MARCHF1: variants seen among roughly 807,000 people sequenced by gnomAD.
MARCHF1 encodes the protein membrane associated ring-CH-type finger 1.
MARCHF1 carries 40 observed loss-of-function variants against 54.2 expected under a neutral mutation model. The ratio of observed to expected loss-of-function variants is 0.74; its 90% CI spans 0.57 to 0.96. The LOEUF is 0.96. Ranked by LOEUF, MARCHF1 falls within the 40% of genes least tolerant of loss-of-function variation. The pLI is 0.00. For missense variants in MARCHF1, 586 were observed against 656.5 expected (o/e 0.89, Z 1.17); for synonymous variants, 236 against 236.3 (o/e 1.00, Z 0.01).
intron 3 of MARCHF1, among the ~76,000 whole-genome samples, chr4:163,971,448 G>A (rs1752545495): frequency 2.0e-5 from 3 of 152,202 alleles, no homozygotes; most frequent in African/African-American, 7.2e-5. Context: ...TAACTTAACT[G>A]TAGTGTTTTA....
At chr4:163,769,459 A>T (rs1016079375) in intron 4 of MARCHF1, among the ~76,000 whole-genome samples, 1 of 152,184 alleles carries the variant, frequency 6.6e-6, no homozygotes, top group Admixed American at 6.5e-5. Flanking sequence ...CAAGAAATCT[A>T]TAAGGTAGGT....
intron 7 of MARCHF1, among the ~76,000 whole-genome samples, chr4:163,587,984 A>G (rs979880499): frequency 6.6e-6 from 1 of 152,182 alleles, no homozygotes; most frequent in African/African-American, 2.4e-5. Context: ...TCACTCAGAT[A>G]GTGCAGAAAG....
intron 1 of MARCHF1, among the ~76,000 whole-genome samples, chr4:164,209,876 T>C (rs1295340371): frequency 6.6e-6 from 1 of 152,114 alleles, no homozygotes; most frequent in Non-Finnish European, 1.5e-5. Flanking sequence ...AATTTATAAT[T>C]AATGATGAGA....
chr4:163,644,298 G>A (rs1354086574), intron 5 of MARCHF1, among the ~76,000 whole-genome samples: 1 of 152,124 alleles, frequency 6.6e-6, no homozygotes, highest in African/African-American at 2.4e-5. Flanking sequence ...GTAGGAGTTT[G>A]TGAAACCCCA....
chr4:163,592,996 CATCTTTTAGGATA>C (rs1740641877), intron 7 of MARCHF1, among the ~76,000 whole-genome samples: 1 of 152,090 alleles, frequency 6.6e-6, no homozygotes. Flanking sequence ...AGCTGGATTG[CATCTTTTAGGATA>C]ATCCCTTCCC....
chr4:163,777,301 A>C (rs1362928615), intron 4 of MARCHF1, among the ~76,000 whole-genome samples: 1 of 152,128 alleles, frequency 6.6e-6, no homozygotes, highest in African/African-American at 2.4e-5. Flanking sequence ...CACTTCATTC[A>C]TTTTCTTTTT....
intron 2 of MARCHF1, among the ~76,000 whole-genome samples, chr4:164,051,638 C>G (rs1754366859): frequency 6.6e-6 from 1 of 152,154 alleles, no homozygotes; most frequent in African/African-American, 2.4e-5. Context: ...GTGTCTACAA[C>G]TTGCAGAAGG....
intron 1 of MARCHF1, among the ~76,000 whole-genome samples, chr4:164,370,952 T>C (rs1191549887): frequency 6.6e-6 from 1 of 151,914 alleles, no homozygotes; most frequent in Non-Finnish European, 1.5e-5. Context: ...AAGCAGACTC[T>C]AATATGGCAA....
intron 4 of MARCHF1, among the ~76,000 whole-genome samples, chr4:163,827,134 T>G (rs1016410169): frequency 3.9e-5 from 6 of 151,976 alleles, no homozygotes; most frequent in African/African-American, 1.4e-4. Context: ...GTGTGACAGG[T>G]AGCAATGTCT....
chr4:163,872,073 T>C (rs1188687901), intron 3 of MARCHF1, among the ~76,000 whole-genome samples: 13 of 152,200 alleles, frequency 8.5e-5, no homozygotes, highest in Admixed American at 6.5e-4. Flanking sequence ...TAGATGAAGT[T>C]GAATATTTTA....
intron 3 of MARCHF1, among the ~76,000 whole-genome samples, chr4:163,909,556 G>C (rs958791230): frequency 7.2e-5 from 11 of 152,218 alleles, no homozygotes; most frequent in Admixed American, 1.3e-4. Flanking sequence ...AGTGGGAGGA[G>C]TATGCTTCAT....
At position 163,703,382 on chromosome 4, in the gene MARCHF1, A is replaced by G. The variant is rs529259088; in HGVS notation, c.112-2519T>C. Among the ~76,000 whole-genome samples, 38 of 152,292 alleles carry G rather than the reference A, an allele frequency of 2.5e-4. 1 individual carries two copies. The South Asian group carries it at 7.5e-3, about 30-fold the overall frequency. ...TTGCTTTTGAAGCAAAGCACCAGAA[A>G]CATTTCCTCTCTTGGAAAACGTCCA... On this transcript the variant is annotated intron_variant, in intron 4 of 9. Transcript: ENST00000514618.
intron 2 of MARCHF1, among the ~76,000 whole-genome samples, chr4:164,079,084 T>G (rs534932803): frequency 6.6e-6 from 1 of 152,344 alleles, no homozygotes; most frequent in South Asian, 2.1e-4. Context: ...TATGGCCTTT[T>G]GCACTTCTTC....
chr4:163,612,415 A>G lies in MARCHF1; in HGVS notation c.866T>C (p.Phe289Ser). Reference sequence around the variant, plus strand: ...TTCAGTGCTGGAATCTGTTTCTGAAAATGTCTTCTTCATTATTTCATTTTT... The same window carrying G: ...TTCAGTGCTGGAATCTGTTTCTGAAGATGTCTTCTTCATTATTTCATTTTT... ...LRKNEIMKKT[F>S]SETDSSTEIL... Residue 289 changes from phenylalanine (F) to serine (S), a missense_variant, in exon 7 of 10, where the codon TTT (phenylalanine) becomes TCT (serine). Coordinates refer to ENST00000514618, the MANE Select transcript of MARCHF1 (RefSeq NM_001394959.1). 2 of 1,535,370 alleles carry G rather than the reference A, an allele frequency of 1.3e-6. No individual in the cohort carries two copies. The highest frequency in any genetic ancestry group is 1.7e-6 in the Non-Finnish European group (2 of 1,146,488).
chr4:164,296,280 A>C (rs1327167313), intron 1 of MARCHF1, among the ~76,000 whole-genome samples: 5 of 152,220 alleles, frequency 3.3e-5, no homozygotes, highest in African/African-American at 1.2e-4. Flanking sequence ...TTTCTCCTAC[A>C]TCTGTGATAG....
intron 4 of MARCHF1, among the ~76,000 whole-genome samples, chr4:163,832,630 G>A (rs999881213): frequency 1.3e-5 from 2 of 150,504 alleles, no homozygotes; most frequent in African/African-American, 4.9e-5. Context: ...GGGTACATGT[G>A]CACAACGTGC....
intron 1 of MARCHF1, chr4:164,129,958 A>C (rs1002097706): frequency 6.6e-6 from 1 of 152,196 alleles, no homozygotes; most frequent in Non-Finnish European, 1.5e-5. Flanking sequence ...AAACAAGAAA[A>C]GAAAATTGTC....
At chr4:164,192,296 C>T (rs1391825672) in intron 1 of MARCHF1, among the ~76,000 whole-genome samples, 2 of 152,082 alleles carry the variant, frequency 1.3e-5, no homozygotes, top group African/African-American at 4.8e-5. Flanking sequence ...TACATCATTG[C>T]TTTACTTTCA....
chr4:163,641,248 G>A (rs1350338879), intron 5 of MARCHF1, among the ~76,000 whole-genome samples: 1 of 151,832 alleles, frequency 6.6e-6, no homozygotes, highest in Non-Finnish European at 1.5e-5. Context: ...CACTTTTCCA[G>A]AATAAAATGA....
Sources: gnomAD v4.1 joint callset for allele counts (sites outside exome capture counted in the v4.1 genomes callset) on GRCh38, gnomAD v4.1.1 for gene constraint, MANE v1.5 for transcripts, NCBI Gene and HGNC (gene_info 2026-07-23, HGNC 2026-07-21) for gene names.